Variants in CD109 observed in about 807,000 individuals in gnomAD.
The protein encoded by CD109 is CD109 molecule, also known as CD109 antigen.
Under a neutral mutation model 165.8 loss-of-function variants are expected in CD109, and 149 were observed. That is an observed-to-expected ratio of 0.90 (90% CI 0.79 to 1.03). CD109 has a LOEUF of 1.03. CD109 is among the 50% of genes least tolerant of loss of function. CD109 has a pLI of 0.00. For synonymous variants in CD109, 585 were observed against 592.1 expected (o/e 0.99, Z 0.18); for missense variants, 1,712 against 1,677.8 (o/e 1.02, Z -0.36).
chr6:73,785,390 T>C lies in CD109; in HGVS notation c.2250T>C (p.Ile750=), dbSNP rs142124869. The change falls in exon 20 of 33, where the codon ATT becomes ATC. Residue 750 remains isoleucine, a synonymous_variant. Coordinates refer to ENST00000287097, the MANE Select transcript of CD109 (RefSeq NM_133493.5). Reference sequence around the variant, plus strand: ...TCCAAGCCTTCCAACCATTTTTCATTTTTTTGAATCTTCCCTACTCTGTTA... The same window carrying C: ...TCCAAGCCTTCCAACCATTTTTCATCTTTTTGAATCTTCCCTACTCTGTTA... The part of the protein sequence containing the change: ...VELQAFQPFF[I]FLNLPYSVIR... 1,046 of 1,606,488 alleles carry C rather than the reference T, an allele frequency of 6.5e-4. No homozygotes were observed. Among genetic ancestry groups the C allele is most frequent in the Admixed American group, 1.0e-3 (61 of 58,922 alleles).
Position 73,827,157 on chromosome 6 carries a change from A to C in CD109, c.*3524A>C, listed in dbSNP as rs1776301971. 1 of 152,174 alleles carries C rather than the reference A, an allele frequency of 6.6e-6. No homozygotes were observed. Among genetic ancestry groups the C allele is most frequent in the Non-Finnish European group, 1.5e-5 (1 of 68,028 alleles). The allele number at this position is 152,174 out of a possible 1,614,324, so 9.4% of individuals were successfully genotyped here. ...GATTGAATACTCATTTCTTTCTAAA[A>C]ATATGTTGTAAATTCTCCCTTGGCA... On this transcript the variant is annotated 3_prime_UTR_variant, in exon 33 of 33. Transcript: ENST00000287097.
chr6:73,705,419 C>T (rs184167151), intron 2 of CD109, among the ~76,000 whole-genome samples: 8 of 152,008 alleles, frequency 5.3e-5, no homozygotes, highest in South Asian at 4.1e-4. Context: ...GTGAGCAGAT[C>T]GCTTGAGCTC....
rs200081535 is a variant in CD109, at chr6:73,707,962, TTATATATATATATATATATATATATA to T, written c.247+10412_247+10437del. Among the ~76,000 whole-genome samples the T allele has an allele frequency of 1.9e-3, 243 of 126,786 alleles. 2 individuals carry two copies. The highest frequency in any genetic ancestry group is 6.3e-3 in the African/African-American group (192 of 30,518). The allele number at this position is 126,786 out of a possible 152,430, so 83.2% of individuals were successfully genotyped here. The stretch of plus-strand genomic sequence containing the variant: ...GAACTTTGATTTAAAATTGTTATCT[TTATATATATATATATATATATATATA>T]TATATATATATATATATATATTTAT... On this transcript the variant is annotated intron_variant, in intron 2 of 32. Coordinates refer to ENST00000287097, the MANE Select transcript of CD109 (RefSeq NM_133493.5).
chr6:73,810,158 GT>G lies in CD109; in HGVS notation c.3534del (p.Phe1178LeufsTer11), dbSNP rs1237178611. The stretch of plus-strand genomic sequence containing the variant: ...AGCAGGCAAAGAAATAGCTTGGGTG[GT>G]TTTGCATCTACTCAGGTGAGAGATG... ...WLSRQRNSLGGFASTQDTTVA... is the reference protein window; with the variant it reads ...WLSRQRNSLGXFASTQDTTVA... On this transcript the variant is annotated frameshift_variant, in exon 27 of 33. Coordinates refer to ENST00000287097, the MANE Select transcript of CD109 (RefSeq NM_133493.5). LOFTEE classifies it high-confidence loss of function. The G allele has an allele frequency of 5.0e-6, 8 of 1,596,236 alleles. No homozygotes were observed. In the Admixed American group the frequency reaches 1.4e-4, roughly 29 times the overall value.
chr6:73,818,949 A>G (rs1173501234), intron 31 of CD109, among the ~76,000 whole-genome samples: 3 of 152,314 alleles, frequency 2.0e-5, no homozygotes, highest in Admixed American at 1.3e-4. Flanking sequence ...CTCCCACTGC[A>G]GGCTCCTGAG....
chr6:73,751,441 G>T (rs1383884583), intron 5 of CD109, among the ~76,000 whole-genome samples: 1 of 151,548 alleles, frequency 6.6e-6, no homozygotes, highest in Admixed American at 6.6e-5. Context: ...CTCTTCTGAG[G>T]GCTTGCCTTA....
chr6:73,757,705 A>G (rs1722297055), intron 6 of CD109, among the ~76,000 whole-genome samples: 1 of 152,264 alleles, frequency 6.6e-6, no homozygotes, highest in Admixed American at 6.5e-5. Flanking sequence ...TAGTTCATTA[A>G]TAACCATTTT....
upstream of CD109, chr6:73,693,892 T>C (rs1770737789): frequency 1.4e-5 from 2 of 137,932 alleles, no homozygotes; most frequent in African/African-American, 6.1e-5. Flanking sequence ...TTTTCTTTTC[T>C]TTTTTTTTTT....
chr6:73,732,751 G>C (rs1339352148), intron 4 of CD109, among the ~76,000 whole-genome samples: 1 of 152,180 alleles, frequency 6.6e-6, no homozygotes, highest in Admixed American at 6.5e-5. Flanking sequence ...CATTTTCATA[G>C]TTCTGCCTGT....
At chr6:73,696,914 G>A (rs1770861620) in intron 1 of CD109, among the ~76,000 whole-genome samples, 1 of 152,154 alleles carries the variant, frequency 6.6e-6, no homozygotes, top group African/African-American at 2.4e-5. Flanking sequence ...CAATGGTATT[G>A]GTTAAATAAT....
chr6:73,708,177 T>A (rs1771371138), intron 2 of CD109, among the ~76,000 whole-genome samples: 1 of 151,762 alleles, frequency 6.6e-6, no homozygotes, highest in Non-Finnish European at 1.5e-5. Flanking sequence ...GGCCCCGGTG[T>A]GTGATGTTCC....
chr6:73,683,094 C>T, the CD109 span, among the ~76,000 whole-genome samples: 4 of 152,244 alleles, frequency 2.6e-5, no homozygotes, highest in African/African-American at 9.6e-5. Flanking sequence ...CTCCTCATTA[C>T]TTATGCAAAT....
intron 10 of CD109, among the ~76,000 whole-genome samples, chr6:73,764,231 T>TTATATTTTATAACTATAATA (rs1773749044): frequency 6.6e-6 from 1 of 152,218 alleles, no homozygotes; most frequent in Admixed American, 6.5e-5. Flanking sequence ...AAATATATAC[T>TTATATTTTATAACTATAATA]TAACTATAAC....
At chr6:73,750,311 G>A (rs1165982319) in intron 5 of CD109, among the ~76,000 whole-genome samples, 1 of 152,166 alleles carries the variant, frequency 6.6e-6, no homozygotes, top group Non-Finnish European at 1.5e-5. Context: ...TGAGCCATCA[G>A]AAATCACATT....
intron 5 of CD109, among the ~76,000 whole-genome samples, chr6:73,739,615 G>A (rs1487043289): frequency 6.6e-6 from 1 of 152,092 alleles, no homozygotes; most frequent in East Asian, 1.9e-4. Context: ...TTGGGAAGCC[G>A]AGGCGGGCGG....
intron 4 of CD109, among the ~76,000 whole-genome samples, chr6:73,731,211 TA>T (rs1261872267): frequency 6.6e-6 from 1 of 152,190 alleles, no homozygotes; most frequent in Admixed American, 6.5e-5. Context: ...CACGTCTGCC[TA>T]AATTTGAATT....
At position 73,763,679 on chromosome 6, in the gene CD109, A is replaced by G. The variant is rs145847791; in HGVS notation, c.1101A>G (p.Thr367=). The G allele has an allele frequency of 9.4e-5, 143 of 1,520,346 alleles. 1 individual carries two copies. The African/African-American group carries it at 1.7e-3, about 19-fold the overall frequency. 94.2% of individuals were successfully genotyped at this position (1,520,346 alleles called of 1,614,324 possible). A position where few individuals can be genotyped will look rare whatever the true frequency, so the allele number is the denominator to read the frequency against. Residue 367 remains threonine, a synonymous_variant, in exon 10 of 33, where the codon ACA becomes ACG. Transcript: ENST00000287097. ...TTVLKPSLNF[T]ATVKVTRADG... is the part of the protein sequence containing the mutation. ...TCTTGAAGCCATCTCTCAACTTCAC[A>G]GCCACTGTAAGTTGGTATATTTATT...
rs755847096 is a variant in CD109, at chr6:73,810,006, A to G, written c.3378A>G (p.Ser1126=). The change falls in exon 27 of 33, where the codon TCA becomes TCG. Residue 1126 remains serine (S), a synonymous_variant. Transcript: ENST00000287097. The part of the protein sequence containing the change: ...EQEGGMQFWV[S]SESKLSDSWQ... ...CAGGTGGCATGCAATTCTGGGTGTC[A>G]TCAGAGTCCAAACTTTCTGACTCCT... 6 of 1,592,694 alleles carry G rather than the reference A, an allele frequency of 3.8e-6. No individual in the cohort carries two copies. Among genetic ancestry groups the G allele is most frequent in the Non-Finnish European group, 5.1e-6 (6 of 1,172,544 alleles).
chr6:73,727,988 A>G (rs1006165946), intron 3 of CD109, among the ~76,000 whole-genome samples: 1 of 152,156 alleles, frequency 6.6e-6, no homozygotes, highest in African/African-American at 2.4e-5. Context: ...TTGTATCCCA[A>G]GTACCTAGGG....
Sources: allele counts gnomAD v4.1 joint callset (sites outside exome capture counted in the v4.1 genomes callset), GRCh38; gene constraint gnomAD v4.1.1; transcripts MANE v1.5; gene names NCBI Gene and HGNC (gene_info 2026-07-23, HGNC 2026-07-21).